Variants in DTNB observed in about 807,000 individuals in gnomAD.
DTNB encodes dystrobrevin beta.
Under a neutral mutation model 90.7 loss-of-function variants are expected in DTNB, and 63 were observed. The ratio of observed to expected loss-of-function variants is 0.69; its 90% CI spans 0.57 to 0.86. The LOEUF (loss-of-function observed/expected upper bound fraction) is 0.86. Among genes scored for constraint, DTNB ranks in the 40% least tolerant of loss-of-function variants. DTNB has a pLI of 0.00. For synonymous variants in DTNB, 277 were observed against 286.7 expected (o/e 0.97, Z 0.34); for missense variants, 744 against 807.1 (o/e 0.92, Z 0.95).
chr2:25,593,246 T>C (rs1325704205), intron 6 of DTNB, among the ~76,000 whole-genome samples: 1 of 152,220 alleles, frequency 6.6e-6, no homozygotes. Flanking sequence ...AACATCAAAA[T>C]GCTGGGGGAA....
At chr2:25,439,912 G>A (rs1448881382) in intron 12 of DTNB, among the ~76,000 whole-genome samples, 1 of 152,078 alleles carries the variant, frequency 6.6e-6, no homozygotes, top group African/African-American at 2.4e-5. Context: ...AGTAGCAAAG[G>A]CAGAACTCTT....
chr2:25,378,919 A>C (rs2036691547), intron 20 of DTNB, among the ~76,000 whole-genome samples: 1 of 152,190 alleles, frequency 6.6e-6, no homozygotes, highest in African/African-American at 2.4e-5. Flanking sequence ...GATCCCAGGA[A>C]GGAAGTGGGC....
chr2:25,627,080 G>A (rs1270053035), intron 4 of DTNB, among the ~76,000 whole-genome samples: 1 of 152,134 alleles, frequency 6.6e-6, no homozygotes, highest in African/African-American at 2.4e-5. Flanking sequence ...ACTATGTTCT[G>A]CAATGAAAAA....
At chr2:25,432,204 C>T (rs911308464) in intron 14 of DTNB, among the ~76,000 whole-genome samples, 9 of 105,824 alleles carry the variant, frequency 8.5e-5, no homozygotes, top group African/African-American at 2.0e-4. Context: ...CAGAAGAGTG[C>T]GTACACACAC....
chr2:25,518,742 AACCTT>A lies in DTNB; in HGVS notation c.1001+12726_1001+12730del, dbSNP rs200599111. Among the ~76,000 whole-genome samples the A allele has an allele frequency of 2.8e-4, 42 of 152,292 alleles. No homozygotes were observed. The East Asian group carries it at 6.0e-3, about 22-fold the overall frequency. ...AGGTATAATTCCAGGGCTAGTAAGC[AACCTT>A]AAGCTCAGAAGAATGATTCTGGGAC... On this transcript the variant is annotated intron_variant, in intron 9 of 20. Transcript: ENST00000406818.
chr2:25,466,571 G>GAA (rs1363124606), intron 10 of DTNB, among the ~76,000 whole-genome samples: 3 of 152,204 alleles, frequency 2.0e-5, no homozygotes, highest in Non-Finnish European at 2.9e-5. Context: ...GAGTCACTCA[G>GAA]CCAGGCGAGT....
rs551458440 is a variant in DTNB, at chr2:25,505,173, T to C, written c.1002-22300A>G. On this transcript the variant is annotated intron_variant, in intron 9 of 20. Transcript: ENST00000406818. ...CTATCCAAACTGGCATCCACGTCACTGCTATGAGCTCACTCCACACCCCAC... is the reference window on the plus strand; with the variant it reads ...CTATCCAAACTGGCATCCACGTCACCGCTATGAGCTCACTCCACACCCCAC... Among the ~76,000 whole-genome samples, 3 of 152,292 alleles carry C rather than the reference T, an allele frequency of 2.0e-5. No individual in the cohort carries two copies. The East Asian group carries it at 5.8e-4, about 29-fold the overall frequency.
chr2:25,449,027 A>G (rs1479459101), intron 12 of DTNB, among the ~76,000 whole-genome samples: 1 of 151,992 alleles, frequency 6.6e-6, no homozygotes, highest in Non-Finnish European at 1.5e-5. Flanking sequence ...TATGATTAGG[A>G]GTTGATGATT....
In DTNB at chr2:25,519,535, C is replaced by T. The variant is rs142881393; in HGVS notation, c.1001+11938G>A. On this transcript the variant is annotated intron_variant, in intron 9 of 20. Coordinates refer to ENST00000406818, the MANE Select transcript of DTNB (RefSeq NM_021907.5). ...AAGTACAAGTTGAGAATCCCTTATCCAAAATGCTTGGGACCAGAGTGTTTC... is the reference window on the plus strand; with the variant it reads ...AAGTACAAGTTGAGAATCCCTTATCTAAAATGCTTGGGACCAGAGTGTTTC... 5.7e-4 allele frequency among the ~76,000 whole-genome samples: 86 copies of T among 152,108 alleles called. No individual in the cohort carries two copies. In the East Asian group the frequency reaches 9.8e-3, roughly 17 times the overall value.
chr2:25,432,947 G>C lies in DTNB; in HGVS notation c.1396C>G (p.Gln466Glu), dbSNP rs2054436490. Residue 466 changes from glutamine to glutamate, a missense_variant, in exon 14 of 21, where the codon CAG becomes GAG. Transcript: ENST00000406818. ...RLRLEHEQASQPTPEKAQQNP... is the reference protein window; with the variant it reads ...RLRLEHEQASEPTPEKAQQNP... ...TGCTGTGCCTTCTCAGGGGTGGGCTGGGAGGCCTGCTCGTGTTCCAGGCGG... is the reference window on the plus strand; with the variant it reads ...TGCTGTGCCTTCTCAGGGGTGGGCTCGGAGGCCTGCTCGTGTTCCAGGCGG... 1 of 1,611,096 alleles carries C rather than the reference G, an allele frequency of 6.2e-7. No homozygotes were observed. Among genetic ancestry groups the C allele is most frequent in the African/African-American group, 1.3e-5 (1 of 74,910 alleles).
chr2:25,648,038 A>G (rs2079909659), intron 2 of DTNB, among the ~76,000 whole-genome samples: 1 of 152,222 alleles, frequency 6.6e-6, no homozygotes, highest in African/African-American at 2.4e-5. Flanking sequence ...TCAGTCCAAT[A>G]AAATTGGCAA....
intron 3 of DTNB, among the ~76,000 whole-genome samples, chr2:25,631,340 C>T (rs1360938361): frequency 2.6e-5 from 4 of 152,050 alleles, no homozygotes; most frequent in Non-Finnish European, 4.4e-5. Flanking sequence ...TGTAATCCCA[C>T]TCCTGGCTTA....
intron 16 of DTNB, among the ~76,000 whole-genome samples, chr2:25,396,147 T>A (rs1202980554): frequency 3.3e-5 from 5 of 152,226 alleles, no homozygotes; most frequent in Admixed American, 3.3e-4. Context: ...AGACCATTAT[T>A]CTAAGTGAAG....
chr2:25,464,342 C>T (rs2061451082), intron 10 of DTNB, among the ~76,000 whole-genome samples: 1 of 152,138 alleles, frequency 6.6e-6, no homozygotes, highest in South Asian at 2.1e-4. Flanking sequence ...TAAGTAAGTG[C>T]TTAAAAAACA....
intron 8 of DTNB, among the ~76,000 whole-genome samples, chr2:25,549,468 T>G (rs1243427666): frequency 6.6e-6 from 1 of 152,178 alleles, no homozygotes; most frequent in Non-Finnish European, 1.5e-5. Context: ...TCTTACAAGT[T>G]GGAGTTACAT....
At chr2:25,616,954 G>GAAAAAAAAAAAAAA (rs900643862) in intron 4 of DTNB, among the ~76,000 whole-genome samples, 2 of 97,452 alleles carry the variant, frequency 2.1e-5, no homozygotes, top group Non-Finnish European at 1.9e-5. Flanking sequence ...AAAAAAAAAG[G>GAAAAAAAAAAAAAA]AAAAAAAAGA....
intron 11 of DTNB, among the ~76,000 whole-genome samples, 174 bp downstream of exon 11, chr2:25,455,231 C>G (rs1158549528): frequency 6.6e-6 from 1 of 152,224 alleles, no homozygotes; most frequent in East Asian, 1.9e-4. Flanking sequence ...GCAAGCCTCC[C>G]TCTCTTGTAG....
chr2:25,625,554 T>C (rs2073947047), intron 4 of DTNB, among the ~76,000 whole-genome samples: 1 of 52,450 alleles, frequency 1.9e-5, no homozygotes, highest in African/African-American at 4.9e-5. Flanking sequence ...CTCACTCATT[T>C]TTTTTTTTTT....
chr2:25,449,949 A>G (rs1203351353), intron 12 of DTNB, among the ~76,000 whole-genome samples: 2 of 151,696 alleles, frequency 1.3e-5, no homozygotes, highest in African/African-American at 4.8e-5. Flanking sequence ...TTTTTAGTAG[A>G]TATGGGGTTT....
Sources: allele counts gnomAD v4.1 joint callset (sites outside exome capture counted in the v4.1 genomes callset), GRCh38; gene constraint gnomAD v4.1.1; transcripts MANE v1.5; gene names NCBI Gene and HGNC (gene_info 2026-07-23, HGNC 2026-07-21).